Variants in UBA6 observed in about 807,000 individuals in gnomAD.
The protein encoded by UBA6 is ubiquitin-like modifier-activating enzyme 6.
A neutral mutation model predicts 148.3 loss-of-function variants in UBA6; 87 were observed. That is an observed-to-expected ratio of 0.59 (90% CI 0.49 to 0.70). The LOEUF is 0.70. Among genes scored for constraint, UBA6 ranks in the 30% least tolerant of loss-of-function variants. The pLI, the probability that UBA6 is intolerant of heterozygous loss-of-function variation, is 0.00. For synonymous variants in UBA6, 376 were observed against 401.0 expected (o/e 0.94, Z 0.75); for missense variants, 1,186 against 1,241.2 (o/e 0.96, Z 0.67).
At chr4:67,655,093 G>A (rs1275367379) in intron 13 of UBA6, among the ~76,000 whole-genome samples, 1 of 152,138 alleles carries the variant, frequency 6.6e-6, no homozygotes. Flanking sequence ...ATAATAATGG[G>A]AGACTTTAAC....
chr4:67,674,923 G>C (rs1405913836), intron 6 of UBA6, among the ~76,000 whole-genome samples: 1 of 151,890 alleles, frequency 6.6e-6, no homozygotes, highest in Non-Finnish European at 1.5e-5. Context: ...GGCGTGCAGT[G>C]GTGCGATCTG....
rs747303770 is a variant in UBA6 at position 67,646,019 on chromosome 4, G to GA, written c.1317-4dup. On this transcript the variant is annotated splice_region_variant and splice_polypyrimidine_tract_variant and intron_variant, in intron 15 of 32. Transcript: ENST00000322244. ...TTAAGGCATCATATCTATCTCCTCT[G>GA]AAAAAAATAACATATACCAAAAAGC... is the stretch of plus-strand genomic sequence containing the variant. 2.7e-5 allele frequency: 41 copies of GA among 1,536,678 alleles called. No individual in the cohort carries two copies. The highest frequency in any genetic ancestry group is 1.8e-4 in the African/African-American group (13 of 72,128).
intron 18 of UBA6, among the ~76,000 whole-genome samples, chr4:67,640,268 C>T (rs906141379): frequency 1.3e-5 from 2 of 152,088 alleles, no homozygotes; most frequent in Non-Finnish European, 2.9e-5. Flanking sequence ...TAAAATGCAC[C>T]AAGTTAAGCA....
chr4:67,673,101 T>C (rs1055007371), intron 7 of UBA6, among the ~76,000 whole-genome samples: 4 of 152,198 alleles, frequency 2.6e-5, no homozygotes, highest in South Asian at 2.1e-4. Flanking sequence ...AATACATAGA[T>C]AGTCAATGAA....
At chr4:67,633,679 A>G (rs1729055001) in intron 22 of UBA6, among the ~76,000 whole-genome samples, 1 of 152,154 alleles carries the variant, frequency 6.6e-6, no homozygotes, top group African/African-American at 2.4e-5. Flanking sequence ...GATAGCATAC[A>G]AAATTTTAAC....
intron 13 of UBA6, among the ~76,000 whole-genome samples, chr4:67,656,132 C>A (rs568007428): frequency 7.9e-5 from 12 of 152,322 alleles, no homozygotes; most frequent in Admixed American, 2.0e-4. Flanking sequence ...GGTACCATTC[C>A]TTCTGAAAGT....
At chr4:67,653,103 G>C (rs957262609) in intron 13 of UBA6, among the ~76,000 whole-genome samples, 3 of 152,238 alleles carry the variant, frequency 2.0e-5, no homozygotes, top group African/African-American at 7.2e-5. Context: ...GCAGGGCTTA[G>C]CTAAACAAAA....
chr4:67,693,343 T>C (rs1730743202), intron 2 of UBA6, among the ~76,000 whole-genome samples: 1 of 151,640 alleles, frequency 6.6e-6, no homozygotes, highest in African/African-American at 2.4e-5. Flanking sequence ...TATATATATA[T>C]ATACAGTATA....
rs1249687062 is a variant in UBA6 at position 67,631,711 on chromosome 4, G to A, written c.2255C>T (p.Pro752Leu). The A allele has an allele frequency of 3.1e-6, 5 of 1,604,198 alleles. No homozygotes were observed. The highest frequency in any genetic ancestry group is 3.4e-6 in the Non-Finnish European group (4 of 1,174,322). Reference sequence around the variant, plus strand: ...AAAACTAAATATAAATACTTACAAAGGCTCATTTAAATCAAATTTTATTGG... The same window carrying A: ...AAAACTAAATATAAATACTTACAAAAGCTCATTTAAATCAAATTTTATTGG... ...PSPIKFDLNEPLHLSFLQNAA... is the reference protein window; with the variant it reads ...PSPIKFDLNELLHLSFLQNAA... The change falls in exon 25 of 33, where the codon CCT (proline) becomes CTT (leucine). Residue 752 changes from proline (P) to leucine (L), a missense_variant. Transcript: ENST00000322244.
At chr4:67,628,119 T>A (rs924776440) in intron 27 of UBA6, among the ~76,000 whole-genome samples, 4 of 151,794 alleles carry the variant, frequency 2.6e-5, no homozygotes, top group Admixed American at 2.0e-4. Context: ...ATTAAGTGGA[T>A]CTTCAGTATT....
chr4:67,662,127 T>C (rs1463620853), intron 13 of UBA6, 62 bp downstream of exon 13: 12 of 1,485,358 alleles, frequency 8.1e-6, no homozygotes, highest in African/African-American at 1.4e-5. Flanking sequence ...AGAATACTAA[T>C]ATACAGAACA....
Position 67,644,637 on chromosome 4 carries a change from T to C in UBA6, c.1476+61A>G, listed in dbSNP as rs575641485. ...TACTTCAGATTTATGCAGTCAAATA[T>C]AGCTGAAAAAGGGCAACAACAGAAA... On this transcript the variant is annotated intron_variant, in intron 17 of 32. Transcript: ENST00000322244. The C allele has an allele frequency of 3.8e-4, 371 of 980,232 alleles. 1 individual carries two copies. The South Asian group carries it at 4.4e-3, about 12-fold the overall frequency. 60.7% of individuals were successfully genotyped at this position (980,232 alleles called of 1,614,324 possible). A position where few individuals can be genotyped will look rare whatever the true frequency, so the allele number is the denominator to read the frequency against.
intron 3 of UBA6, 45 bp from the exon 4 acceptor site, chr4:67,681,636 A>C (rs1056815845): frequency 1.4e-6 from 2 of 1,392,484 alleles, no homozygotes; most frequent in African/African-American, 3.0e-5. Context: ...TTGGGAATAC[A>C]CACTAGATAT....
At chr4:67,653,613 C>A (rs1010578133) in intron 13 of UBA6, among the ~76,000 whole-genome samples, 1 of 152,098 alleles carries the variant, frequency 6.6e-6, no homozygotes, top group African/African-American at 2.4e-5. Flanking sequence ...TTCTAAAAAC[C>A]AGAGTGCCTC....
chr4:67,691,302 C>A (rs114120876), intron 2 of UBA6, among the ~76,000 whole-genome samples: 1,918 of 152,178 alleles, frequency 0.013, 39 homozygotes, highest in African/African-American at 0.042. Context: ...ACTATGCGTA[C>A]ACTTACAGAC....
In UBA6 at chr4:67,665,255, T is replaced by C. The variant is rs758972242; in HGVS notation, c.831A>G (p.Thr277=). 4 of 1,606,536 alleles carry C rather than the reference T, an allele frequency of 2.5e-6. No individual in the cohort carries two copies. The highest frequency in any genetic ancestry group is 1.3e-5 in the African/African-American group (1 of 74,556). Residue 277 remains threonine (T), a synonymous_variant, in exon 10 of 33, where the codon ACA becomes ACG. Transcript: ENST00000322244. ...SPFSFSIGDT[T]ELEPYLHGGI... ...CTCCATGTAAATATGGTTCCAGTTC[T>C]GTGGTGTCACCAATACTAAAAGAAA...
At chr4:67,693,788 T>C (rs554470735) in intron 2 of UBA6, among the ~76,000 whole-genome samples, 1 of 152,260 alleles carries the variant, frequency 6.6e-6, no homozygotes, top group South Asian at 2.1e-4. Context: ...TCAAGCTTAC[T>C]GATGAAATCT....
At chr4:67,633,761 C>T (rs1232062678) in intron 22 of UBA6, among the ~76,000 whole-genome samples, 1 of 152,084 alleles carries the variant, frequency 6.6e-6, no homozygotes, top group Non-Finnish European at 1.5e-5. Context: ...AATATATGTA[C>T]TCACTATAAG....
chr4:67,682,137 C>T lies in UBA6; in HGVS notation c.211G>A (p.Gly71Ser). Residue 71 changes from glycine (G) to serine (S), a missense_variant, in exon 3 of 33, where the codon GGT becomes AGT. Transcript: ENST00000322244. ...TGCTTACCAATTTCCAAACCAAGAC[C>T]ACCCATCCCACTTAAGAAAACATGG... The part of the protein sequence containing the change: ...KSHVFLSGMG[G>S]LGLEIAKNLV... The T allele has an allele frequency of 1.2e-6, 2 of 1,613,440 alleles. No individual in the cohort carries two copies. Among genetic ancestry groups the T allele is most frequent in the Non-Finnish European group, 1.7e-6 (2 of 1,179,568 alleles).
Sources: allele counts gnomAD v4.1 joint callset (sites outside exome capture counted in the v4.1 genomes callset), GRCh38; gene constraint gnomAD v4.1.1; transcripts MANE v1.5; gene names NCBI Gene and HGNC (gene_info 2026-07-23, HGNC 2026-07-21).